The following LRMDA variants were observed in gnomAD, a reference collection of about 807,000 sequenced individuals.
LRMDA encodes leucine rich melanocyte differentiation associated, also known as leucine-rich melanocyte differentiation-associated protein.
A neutral mutation model predicts 29.8 loss-of-function variants in LRMDA; 18 were observed. The ratio of observed to expected loss-of-function variants is 0.60; its 90% CI spans 0.42 to 0.90. LRMDA has a LOEUF of 0.90. Among genes scored for constraint, LRMDA ranks in the 40% least tolerant of loss-of-function variants. The pLI is 0.00. For synonymous variants in LRMDA, 125 were observed against 109.4 expected, an observed-to-expected ratio of 1.14 and a Z score of -0.89; for missense variants, 273 against 273.9, an observed-to-expected ratio of 1.00 and a Z score of 0.02.
chr10:76,488,399 T>G (rs1255496723), intron 6 of LRMDA, among the ~76,000 whole-genome samples: 1 of 151,876 alleles, frequency 6.6e-6, no homozygotes, highest in Non-Finnish European at 1.5e-5. Flanking sequence ...TTTCACATTT[T>G]CTAGACTATT....
At chr10:75,960,730 C>G (rs1846750021) in intron 2 of LRMDA, among the ~76,000 whole-genome samples, 1 of 152,216 alleles carries the variant, frequency 6.6e-6, no homozygotes, top group African/African-American at 2.4e-5. Context: ...TCTTCTGCCT[C>G]AGCCTCCTGA....
intron 2 of LRMDA, among the ~76,000 whole-genome samples, chr10:75,853,097 T>C (rs1458998208): frequency 1.3e-5 from 2 of 152,040 alleles, no homozygotes; most frequent in Non-Finnish European, 2.9e-5. Flanking sequence ...CATGATTCGA[T>C]TACCTCCTAC....
intron 6 of LRMDA, among the ~76,000 whole-genome samples, chr10:76,410,005 T>C (rs79969179): frequency 0.12 from 17,712 of 152,152 alleles, 1,284 homozygotes; most frequent in East Asian, 0.21. Context: ...AGAGGTAACA[T>C]TGAAGCCTCG....
intron 4 of LRMDA, among the ~76,000 whole-genome samples, chr10:76,052,612 T>A (rs898853520): frequency 2.0e-4 from 30 of 152,198 alleles, no homozygotes; most frequent in African/African-American, 6.8e-4. Flanking sequence ...CTCCTAGCGG[T>A]TTTAGCTCTC....
intron 2 of LRMDA, among the ~76,000 whole-genome samples, chr10:75,572,241 C>T (rs771360067): frequency 5.8e-4 from 88 of 152,248 alleles, no homozygotes; most frequent in Non-Finnish European, 8.5e-4. Context: ...CATGAGCCAC[C>T]GTGCCTGGAT....
At chr10:76,404,763 C>T (rs181727831) in intron 6 of LRMDA, among the ~76,000 whole-genome samples, 1 of 152,282 alleles carries the variant, frequency 6.6e-6, no homozygotes, top group East Asian at 1.9e-4. Flanking sequence ...CTTAAAGGGA[C>T]TTTGCAGATG....
At chr10:76,461,382 G>A (rs987445044) in intron 6 of LRMDA, among the ~76,000 whole-genome samples, 7 of 152,060 alleles carry the variant, frequency 4.6e-5, no homozygotes, top group African/African-American at 1.2e-4. Context: ...TCCTGTATTC[G>A]CATAGCCTAT....
chr10:76,429,126 T>G (rs1338574732), intron 6 of LRMDA, among the ~76,000 whole-genome samples: 1 of 151,560 alleles, frequency 6.6e-6, no homozygotes, highest in Non-Finnish European at 1.5e-5. Flanking sequence ...TATTTCATCA[T>G]GCATGAAAAA....
intron 2 of LRMDA, among the ~76,000 whole-genome samples, chr10:75,879,008 C>G (rs1315154143): frequency 6.6e-6 from 1 of 152,228 alleles, no homozygotes; most frequent in Non-Finnish European, 1.5e-5. Context: ...TTTCACTTAC[C>G]TAGGTCTGCT....
intron 6 of LRMDA, among the ~76,000 whole-genome samples, chr10:76,486,860 T>G (rs1207180714): frequency 6.6e-6 from 1 of 151,806 alleles, no homozygotes; most frequent in African/African-American, 2.4e-5. Flanking sequence ...ACACTGGCCT[T>G]GGGAGAGGTC....
intron 5 of LRMDA, among the ~76,000 whole-genome samples, chr10:76,133,395 C>T (rs1041784027): frequency 6.6e-6 from 1 of 151,972 alleles, no homozygotes; most frequent in African/African-American, 2.4e-5. Context: ...TGATGTTAAG[C>T]GTCACTTAGG....
At chr10:76,379,383 T>C (rs1841562216) in intron 6 of LRMDA, among the ~76,000 whole-genome samples, 1 of 152,132 alleles carries the variant, frequency 6.6e-6, no homozygotes, top group East Asian at 1.9e-4. Context: ...TTAGGAGATT[T>C]TTTACTACTG....
At chr10:75,980,997 C>G (rs1201824260) in intron 2 of LRMDA, among the ~76,000 whole-genome samples, 1 of 152,190 alleles carries the variant, frequency 6.6e-6, no homozygotes, top group East Asian at 1.9e-4. Context: ...AAGTTGGCAG[C>G]TCAACTTTAT....
chr10:75,950,154 C>G (rs1415795363), intron 2 of LRMDA, among the ~76,000 whole-genome samples: 3 of 152,308 alleles, frequency 2.0e-5, no homozygotes, highest in East Asian at 3.9e-4. Context: ...GGGTCACCCC[C>G]CTTCCTCATT....
At chr10:76,511,480 A>C (rs1589220261) in intron 6 of LRMDA, among the ~76,000 whole-genome samples, 2 of 152,266 alleles carry the variant, frequency 1.3e-5, no homozygotes, top group East Asian at 3.9e-4. Flanking sequence ...ATATTAGAAA[A>C]TTCCAAGGAA....
At chr10:76,540,304 G>A (rs1843339518) in intron 6 of LRMDA, among the ~76,000 whole-genome samples, 1 of 150,580 alleles carries the variant, frequency 6.6e-6, no homozygotes, top group Non-Finnish European at 1.5e-5. Flanking sequence ...AGTAGAGGGG[G>A]AAATCTCTTC....
intron 6 of LRMDA, among the ~76,000 whole-genome samples, chr10:76,372,631 AAAAAT>A (rs1182148523): frequency 4.6e-5 from 7 of 151,990 alleles, no homozygotes; most frequent in Admixed American, 2.0e-4. Context: ...AAATAAAATA[AAAAAT>A]AAAATAAAAT....
intron 2 of LRMDA, among the ~76,000 whole-genome samples, chr10:75,585,865 C>T (rs1461759382): frequency 6.6e-6 from 1 of 152,184 alleles, no homozygotes; most frequent in Non-Finnish European, 1.5e-5. Context: ...AACCACTATT[C>T]AACTCTTTGA....
At chr10:75,708,219 G>A (rs572548600) in intron 2 of LRMDA, among the ~76,000 whole-genome samples, 14 of 152,294 alleles carry the variant, frequency 9.2e-5, no homozygotes, top group African/African-American at 3.1e-4. Flanking sequence ...CTAGCAGGGC[G>A]TCTGCTCCAC....
Sources: allele counts gnomAD v4.1 joint callset (sites outside exome capture counted in the v4.1 genomes callset), GRCh38; gene constraint gnomAD v4.1.1; transcripts MANE v1.5; gene names NCBI Gene and HGNC (gene_info 2026-07-23, HGNC 2026-07-21).